The following NSUN6 variants were observed in gnomAD, a reference collection of about 807,000 sequenced individuals.
NSUN6 encodes the protein NOP2/Sun RNA methyltransferase 6, also known as tRNA (cytosine(72)-C(5))-methyltransferase NSUN6.
NSUN6 carries 64 observed loss-of-function variants against 58.0 expected under a neutral mutation model. That is an observed-to-expected ratio of 1.10 (90% CI 0.90 to 1.36). The LOEUF is 1.36. Among genes scored for constraint, NSUN6 ranks in the 40% most tolerant of loss-of-function variants. NSUN6 has a pLI of 0.00. For missense variants in NSUN6, 701 were observed against 550.1 expected (o/e 1.27, Z -2.74); for synonymous variants, 231 against 193.9 (o/e 1.19, Z -1.59).
chr10:18,646,577 C>A lies in NSUN6; in HGVS notation c.231+1913G>T, dbSNP rs142729805. 1.8e-3 allele frequency among the ~76,000 whole-genome samples: 267 copies of A among 152,220 alleles called. 3 individuals are homozygous for A. Among genetic ancestry groups the A allele is most frequent in the African/African-American group, 6.3e-3 (261 of 41,534 alleles). The stretch of plus-strand genomic sequence containing the variant: ...AAAAATAATAAAGCCAGGCACAAGG[C>A]CTCACGCCTGTAATCCCAGCAGTTT... On this transcript the variant is annotated intron_variant, in intron 2 of 10. Transcript: ENST00000377304.
At chr10:18,598,885 C>T (rs1301324545) in intron 6 of NSUN6, among the ~76,000 whole-genome samples, 1 of 152,136 alleles carries the variant, frequency 6.6e-6, no homozygotes, top group Non-Finnish European at 1.5e-5. Context: ...CTATGCTTCA[C>T]TCCTAAAAAT....
At chr10:18,623,878 T>C (rs1383498666) in intron 3 of NSUN6, among the ~76,000 whole-genome samples, 1 of 152,074 alleles carries the variant, frequency 6.6e-6, no homozygotes, top group Non-Finnish European at 1.5e-5. Flanking sequence ...GCAGAGAAGA[T>C]TTGCAGTACT....
At chr10:18,593,030 C>T (rs2057437639) in intron 7 of NSUN6, among the ~76,000 whole-genome samples, 1 of 152,054 alleles carries the variant, frequency 6.6e-6, no homozygotes, top group Non-Finnish European at 1.5e-5. Context: ...AAAATCCCAT[C>T]AAAAAGTGGA....
At chr10:18,585,815 G>A (rs1450907671) in intron 8 of NSUN6, 134 bp downstream of exon 8, 9 of 665,602 alleles carry the variant, frequency 1.4e-5, no homozygotes, top group South Asian at 6.3e-5. Context: ...GATAAGTACA[G>A]TGATGGATAT....
intron 2 of NSUN6, among the ~76,000 whole-genome samples, chr10:18,646,022 C>T (rs1264417002): frequency 6.6e-6 from 1 of 152,016 alleles, no homozygotes; most frequent in Admixed American, 6.6e-5. Context: ...TGGTGAAATC[C>T]CATCTGTGCT....
At chr10:18,553,120 G>A (rs766565670) in intron 8 of NSUN6, among the ~76,000 whole-genome samples, 54 of 138,002 alleles carry the variant, frequency 3.9e-4, no homozygotes, top group Non-Finnish European at 7.7e-4. Context: ...CATTCCGTTC[G>A]ATTCTCCATT....
intron 8 of NSUN6, among the ~76,000 whole-genome samples, chr10:18,572,453 C>T (rs987078446): frequency 6.7e-6 from 1 of 149,674 alleles, no homozygotes; most frequent in Non-Finnish European, 1.5e-5. Context: ...TTCCATTCCC[C>T]ATTCTGTTCT....
Position 18,581,112 on chromosome 10 carries a change from G to A in NSUN6, c.922+4837C>T, listed in dbSNP as rs116602567. On this transcript the variant is annotated intron_variant, in intron 8 of 10. Transcript: ENST00000377304. ...ATTCTTCCCTTGGGGTGGGCTGCCA[G>A]CATGGACAGTGGCCTGCTCGCACTT... is the stretch of plus-strand genomic sequence containing the variant. Among the ~76,000 whole-genome samples the A allele has an allele frequency of 6.6e-3, 1,000 of 152,230 alleles. 17 individuals carry two copies. Among genetic ancestry groups the A allele is most frequent in the African/African-American group, 0.023 (970 of 41,536 alleles).
chr10:18,584,570 C>T (rs1237861207), intron 8 of NSUN6, among the ~76,000 whole-genome samples: 1 of 152,008 alleles, frequency 6.6e-6, no homozygotes, highest in Non-Finnish European at 1.5e-5. Context: ...GCATTATTAA[C>T]ACAACTTAGG....
intron 8 of NSUN6, among the ~76,000 whole-genome samples, chr10:18,560,483 G>A (rs958481797): frequency 6.6e-6 from 1 of 151,272 alleles, no homozygotes; most frequent in Non-Finnish European, 1.5e-5. Flanking sequence ...AATGGAGAAT[G>A]GAATGGAATG....
At position 18,641,756 on chromosome 10, in the gene NSUN6, A is replaced by G. The variant is rs372314253; in HGVS notation, c.311+720T>C. Reference sequence around the variant, plus strand: ...CATAAATGGGACACAGTAGTTTAACATAATTGTTGAATTATGAATAAAATT... The same window carrying G: ...CATAAATGGGACACAGTAGTTTAACGTAATTGTTGAATTATGAATAAAATT... On this transcript the variant is annotated intron_variant, in intron 3 of 10. Transcript: ENST00000377304. 5.3e-5 allele frequency among the ~76,000 whole-genome samples: 8 copies of G among 152,218 alleles called. No individual in the cohort carries two copies. In the East Asian group the frequency reaches 5.8e-4, roughly 11 times the overall value.
At chr10:18,627,345 G>A (rs1281325826) in intron 3 of NSUN6, among the ~76,000 whole-genome samples, 1 of 152,140 alleles carries the variant, frequency 6.6e-6, no homozygotes, top group Non-Finnish European at 1.5e-5. Flanking sequence ...TAAAAAATCA[G>A]AGGAAGAAAA....
rs764758555 is a variant in NSUN6, at chr10:18,648,501, C to T, written c.220G>A (p.Glu74Lys). 9 of 1,596,838 alleles carry T rather than the reference C, an allele frequency of 5.6e-6. No homozygotes were observed. The highest frequency in any genetic ancestry group is 3.4e-6 in the Non-Finnish European group (4 of 1,169,024). Residue 74 changes from glutamate (E) to lysine (K), a missense_variant, in exon 2 of 11, where the codon GAA becomes AAA. Transcript: ENST00000377304. ...AAATTTCCACAAACCTTCTGAAGTTCATCAAGTAACAGATTTTTCACATGT... is the reference window on the plus strand; with the variant it reads ...AAATTTCCACAAACCTTCTGAAGTTTATCAAGTAACAGATTTTTCACATGT... The part of the protein sequence containing the change: ...VQHVKNLLLD[E>K]LQKQFNGLSV...
chr10:18,583,437 T>C (rs1423159617), intron 8 of NSUN6, among the ~76,000 whole-genome samples: 1 of 152,048 alleles, frequency 6.6e-6, no homozygotes, highest in Admixed American at 6.5e-5. Context: ...ACCTAAAATG[T>C]CCAGTTTTCA....
intron 9 of NSUN6, 56 bp from the exon 10 acceptor site, chr10:18,548,293 T>G (rs1342364093): frequency 6.7e-7 from 1 of 1,498,116 alleles, no homozygotes. Context: ...AACATATGAA[T>G]GAATTTCAAA....
chr10:18,562,327 T>A (rs1335889960), intron 8 of NSUN6, among the ~76,000 whole-genome samples: 1 of 148,988 alleles, frequency 6.7e-6, no homozygotes, highest in Non-Finnish European at 1.5e-5. Flanking sequence ...CAGAATGGAA[T>A]GGATTGCAGA....
At chr10:18,597,434 C>A (rs1327274400) in intron 6 of NSUN6, among the ~76,000 whole-genome samples, 2 of 152,152 alleles carry the variant, frequency 1.3e-5, no homozygotes, top group African/African-American at 2.4e-5. Context: ...CAATTCATTC[C>A]TACCAAAAGA....
chr10:18,628,908 A>T (rs2058926642), intron 3 of NSUN6, among the ~76,000 whole-genome samples: 1 of 152,176 alleles, frequency 6.6e-6, no homozygotes, highest in South Asian at 2.1e-4. Context: ...AGAGAACGCC[A>T]CAAAGATACT....
intron 3 of NSUN6, among the ~76,000 whole-genome samples, chr10:18,634,411 A>C (rs189716553): frequency 0.01 from 1,583 of 152,230 alleles, 12 homozygotes; most frequent in Non-Finnish European, 0.015. Context: ...TATCTCCTAT[A>C]CTATTGACAA....
Sources: allele counts gnomAD v4.1 joint callset (sites outside exome capture counted in the v4.1 genomes callset), GRCh38; gene constraint gnomAD v4.1.1; transcripts MANE v1.5; gene names NCBI Gene and HGNC (gene_info 2026-07-23, HGNC 2026-07-21).